Variants in FRRS1L observed in about 807,000 individuals in gnomAD.
FRRS1L encodes DOMON domain-containing protein FRRS1L.
A neutral mutation model predicts 28.6 loss-of-function variants in FRRS1L; 22 were observed. The ratio of observed to expected loss-of-function variants is 0.77; its 90% CI spans 0.55 to 1.10. The LOEUF is 1.10. Among genes scored for constraint, FRRS1L ranks in the 50% least tolerant of loss-of-function variants. FRRS1L has a pLI of 0.00. For synonymous variants in FRRS1L, 158 were observed against 151.4 expected (o/e 1.04, Z -0.32); for missense variants, 380 against 386.9 (o/e 0.98, Z 0.15).
In FRRS1L at chr9:109,131,091, T is replaced by G. The variant is rs1430486728; in HGVS notation, c.*6364A>C. The G allele has an allele frequency of 6.6e-6, 1 of 152,186 alleles. No individual in the cohort carries two copies. The highest frequency in any genetic ancestry group is 1.9e-4 in the East Asian group (1 of 5,198). 9.4% of individuals were successfully genotyped at this position (152,186 alleles called of 1,614,324 possible). A position where few individuals can be genotyped will look rare whatever the true frequency, so the allele number is the denominator to read the frequency against. ...GAAGAGGAACTTATATGCAAGTCTT[T>G]TATTAAATATAAAAACAAAGAAATC... is the stretch of plus-strand genomic sequence containing the variant. On this transcript the variant is annotated 3_prime_UTR_variant, in exon 5 of 5. Coordinates refer to ENST00000561981, the MANE Select transcript of FRRS1L (RefSeq NM_014334.4).
intron 3 of FRRS1L, 31 bp from the exon 4 acceptor site, chr9:109,141,620 A>C: frequency 6.3e-7 from 1 of 1,595,176 alleles, no homozygotes; most frequent in Non-Finnish European, 8.6e-7. Flanking sequence ...GAAAAAAAAA[A>C]GTCAAAGGTT....
intron 4 of FRRS1L, chr9:109,138,860 C>G (rs1475455387): frequency 1.3e-5 from 2 of 152,216 alleles, no homozygotes; most frequent in East Asian, 1.9e-4. Flanking sequence ...AAAGTTTTCC[C>G]CCTTACAGGG....
In FRRS1L at chr9:109,143,500, G is replaced by A. The variant is rs532362533; in HGVS notation, c.463-1911C>T. 8.6e-4 allele frequency among the ~76,000 whole-genome samples: 123 copies of A among 143,106 alleles called. 2 individuals are homozygous for A. The highest frequency in any genetic ancestry group is 1.3e-3 in the Non-Finnish European group (90 of 66,872). 93.9% of individuals were successfully genotyped at this position (143,106 alleles called of 152,430 possible). On this transcript the variant is annotated intron_variant, in intron 3 of 4. Transcript: ENST00000561981. ...AAGTCTAATTAAAACACACACACACGCACACAATAATGCACCTTTTTTTTT... is the reference window on the plus strand; with the variant it reads ...AAGTCTAATTAAAACACACACACACACACACAATAATGCACCTTTTTTTTT...
chr9:109,145,367 G>A lies in FRRS1L; in HGVS notation c.462+1684C>T, dbSNP rs147435025. 3.9e-5 allele frequency among the ~76,000 whole-genome samples: 6 copies of A among 152,292 alleles called. No individual in the cohort carries two copies. In the East Asian group the frequency reaches 1.2e-3, roughly 29 times the overall value. ...GTTGAAACAAATTCGTAACTTCCCT[G>A]ATGTAATCCAACATGCCTTTTATAA... On this transcript the variant is annotated intron_variant, in intron 3 of 4. Transcript: ENST00000561981.
At chr9:109,137,823 T>C (rs537191528) in intron 4 of FRRS1L, 196 bp from the exon 5 acceptor site, 3 of 323,368 alleles carry the variant, frequency 9.3e-6, no homozygotes, top group Non-Finnish European at 1.7e-5. Context: ...AGAAATTAGT[T>C]AAATTTATCC....
intron 1 of FRRS1L, chr9:109,151,032 T>G (rs538480727): frequency 6.6e-6 from 1 of 152,344 alleles, no homozygotes; most frequent in Non-Finnish European, 1.5e-5. Flanking sequence ...GCTTTGCTAA[T>G]TTTGTCCATT....
At chr9:109,165,554 C>T (rs1309731207) in intron 1 of FRRS1L, among the ~76,000 whole-genome samples, 1 of 152,178 alleles carries the variant, frequency 6.6e-6, no homozygotes, top group East Asian at 1.9e-4. Flanking sequence ...ATGTTAAAAT[C>T]TCTAATTCAG....
At position 109,167,068 on chromosome 9, in the gene FRRS1L, G is replaced by A. The variant is rs1401587184; in HGVS notation, c.71C>T (p.Ala24Val). Residue 24 changes from alanine to valine, a missense_variant, in exon 1 of 5, where the codon GCC becomes GTC. By Grantham distance (64) the Ala-to-Val change is moderately conservative. Transcript: ENST00000561981. ...GTCCGCGGGGCTGGCTGCGCAGGCG[G>A]CGGGCCCCGTCAGTAGCAGCAGGAG... ...SLLLLLLTGPAACAASPADDG... is the reference protein window; with the variant it reads ...SLLLLLLTGPVACAASPADDG... 13 of 1,178,258 alleles carry A rather than the reference G, an allele frequency of 1.1e-5. No individual in the cohort carries two copies. The highest frequency in any genetic ancestry group is 3.3e-5 in the African/African-American group (2 of 61,518). 73.0% of individuals were successfully genotyped at this position (1,178,258 alleles called of 1,614,324 possible).
intron 1 of FRRS1L, among the ~76,000 whole-genome samples, chr9:109,153,018 G>A (rs1414989545): frequency 1.3e-5 from 2 of 151,912 alleles, no homozygotes; most frequent in African/African-American, 4.8e-5. Flanking sequence ...TCTGTCAAAT[G>A]CACTTGGACA....
At chr9:109,164,321 T>C (rs369645206) in intron 1 of FRRS1L, among the ~76,000 whole-genome samples, 25 of 151,508 alleles carry the variant, frequency 1.7e-4, no homozygotes, top group African/African-American at 5.1e-4. Flanking sequence ...AGGGGAGATA[T>C]GGTTGTAAAA....
chr9:109,149,538 G>A (rs1831302976), intron 2 of FRRS1L, 98 bp downstream of exon 2: 1 of 774,576 alleles, frequency 1.3e-6, no homozygotes. Flanking sequence ...AAGGAGCTCA[G>A]GCCCCCTGAT....
chr9:109,137,699 G>A, intron 4 of FRRS1L, 72 bp from the exon 5 acceptor site: 1 of 968,200 alleles, frequency 1.0e-6, no homozygotes, highest in Non-Finnish European at 1.5e-6. Context: ...GGCAAACAAT[G>A]GAAAAATCAA....
intron 1 of FRRS1L, among the ~76,000 whole-genome samples, chr9:109,154,106 C>T (rs183985145): frequency 1.9e-3 from 293 of 152,336 alleles, no homozygotes; most frequent in Admixed American, 4.4e-3. Context: ...GCTAGGCTCC[C>T]AGAACCAACC....
At position 109,167,200 on chromosome 9, in the gene FRRS1L, G is replaced by A. The variant is rs1032600216; in HGVS notation, c.-62C>T. The stretch of plus-strand genomic sequence containing the variant: ...CGCAGCGGGGGCGCCGCGGGCGCGG[G>A]CCGGGACTGAGCCTCCGCCGAGGCC... On this transcript the variant is annotated 5_prime_UTR_variant, in exon 1 of 5. Coordinates refer to ENST00000561981, the MANE Select transcript of FRRS1L (RefSeq NM_014334.4). 7.3e-5 allele frequency: 92 copies of A among 1,253,212 alleles called. No individual in the cohort carries two copies. The highest frequency in any genetic ancestry group is 9.1e-5 in the Non-Finnish European group (91 of 996,454). The allele number at this position is 1,253,212 out of a possible 1,614,324, so 77.6% of individuals were successfully genotyped here.
At chr9:109,149,764 C>G (rs1466322972) in intron 1 of FRRS1L, 44 bp from the exon 2 acceptor site, 5 of 1,293,726 alleles carry the variant, frequency 3.9e-6, no homozygotes, top group South Asian at 3.7e-5. Context: ...CCAGTAACAA[C>G]TGTTCCAATG....
At chr9:109,165,390 T>A (rs1383092122) in intron 1 of FRRS1L, among the ~76,000 whole-genome samples, 1 of 152,164 alleles carries the variant, frequency 6.6e-6, no homozygotes, top group Non-Finnish European at 1.5e-5. Context: ...TCTACTGTAC[T>A]GATGAGGACA....
In FRRS1L at chr9:109,133,108, T is replaced by A. The variant is rs1831074777; in HGVS notation, c.*4347A>T. The stretch of plus-strand genomic sequence containing the variant: ...CTTTAATGACAAAAGCCAACTTAAT[T>A]AAATACAGCTTCTGCATTCTATCTG... On this transcript the variant is annotated 3_prime_UTR_variant, in exon 5 of 5. Transcript: ENST00000561981. 6.6e-6 allele frequency: 1 copy of A among 152,220 alleles called. No individual in the cohort carries two copies. The highest frequency in any genetic ancestry group is 1.5e-5 in the Non-Finnish European group (1 of 68,036). The allele number at this position is 152,220 out of a possible 1,614,324, so 9.4% of individuals were successfully genotyped here. A position where few individuals can be genotyped will look rare whatever the true frequency, so the allele number is the denominator to read the frequency against.
intron 1 of FRRS1L, among the ~76,000 whole-genome samples, chr9:109,156,984 T>C (rs1831419053): frequency 6.6e-6 from 1 of 152,228 alleles, no homozygotes; most frequent in South Asian, 2.1e-4. Flanking sequence ...CTAATCTTTC[T>C]TATTTTCTGA....
chr9:109,139,812 A>G (rs1380736246), intron 4 of FRRS1L: 1 of 152,234 alleles, frequency 6.6e-6, no homozygotes, highest in Non-Finnish European at 1.5e-5. Flanking sequence ...TAAAAGGTAG[A>G]TTATGTCATC....
Sources: gnomAD v4.1 joint callset for allele counts (sites outside exome capture counted in the v4.1 genomes callset) on GRCh38, gnomAD v4.1.1 for gene constraint, MANE v1.5 for transcripts, NCBI Gene and HGNC (gene_info 2026-07-23, HGNC 2026-07-21) for gene names.